NBPF19: variants seen among roughly 807,000 people sequenced by gnomAD.
NBPF19 encodes NBPF member 19.
In NBPF19, 30 loss-of-function variants were observed where a neutral mutation model predicts 45.9. That is an observed-to-expected ratio of 0.65 (90% CI 0.49 to 0.89). The LOEUF is 0.89. Ranked by LOEUF, NBPF19 falls within the 40% of genes least tolerant of loss-of-function variation. The probability of loss-of-function intolerance (pLI) is 0.00; values close to 1 mark genes in which losing one functional copy is unlikely to be tolerated. For missense variants in NBPF19, 495 were observed against 471.8 expected, an observed-to-expected ratio of 1.05 and a Z score of -0.46; for synonymous variants, 183 against 181.2, an observed-to-expected ratio of 1.01 and a Z score of -0.08.
Position 149,478,942 on chromosome 1 carries a change from G to C in NBPF19, c.341G>C (p.Arg114Pro). ...RELTQLREKL[R>P]EGRDASRSLN... ...CTGACCCAGTTAAGGGAGAAGTTAC[G>C]GGAAGGGAGAGATGCCTCCCGCTCA... Residue 114 changes from arginine (R) to proline (P), a missense_variant, in exon 4 of 94, where the codon CGG (arginine) becomes CCG (proline). By Grantham distance (103) the Arg-to-Pro change is moderately radical (BLOSUM62 -2). Coordinates refer to ENST00000651566, the MANE Select transcript of NBPF19 (RefSeq NM_001351365.2). 1 of 1,605,928 alleles carries C rather than the reference G, an allele frequency of 6.2e-7. No homozygotes were observed. The highest frequency in any genetic ancestry group is 1.1e-5 in the South Asian group (1 of 90,836).
At chr1:149,478,321 C>G (rs1291652195) in intron 3 of NBPF19, among the ~76,000 whole-genome samples, 1 of 151,182 alleles carries the variant, frequency 6.6e-6, no homozygotes, top group Non-Finnish European at 1.5e-5. Context: ...GAGTGGGAAC[C>G]ACCCAGCAGC....
At position 149,554,641 on chromosome 1, in the gene NBPF19, A is replaced by G; in HGVS notation, c.11435A>G (p.His3812Arg). Residue 3812 changes from histidine to arginine, a missense_variant, in exon 94 of 94, where the codon CAT becomes CGT. His to Arg is a conservative substitution (Grantham distance 29). Around this residue, in one of 8 missense-constraint regions of NBPF19, gnomAD observed 248 missense variants for 95.4 expected, o/e 2.60. Transcript: ENST00000651566. ...GTGTTTTACTCATTTGAGGAAGAGC[A>G]TATCAGCTTCGCCCTTTACTTGGAC... ...RSVFYSFEEE[H>R]ISFALYLDNR... 2.5e-6 allele frequency: 4 copies of G among 1,608,368 alleles called. No individual in the cohort carries two copies. The highest frequency in any genetic ancestry group is 3.4e-6 in the Non-Finnish European group (4 of 1,176,784).
At chr1:149,478,702 G>A (rs1182494679) in intron 3 of NBPF19, among the ~76,000 whole-genome samples, 178 bp from the exon 4 acceptor site, 2 of 150,742 alleles carry the variant, frequency 1.3e-5, no homozygotes, top group African/African-American at 4.9e-5. Context: ...CTGATAGAGG[G>A]AAAGCCTGTA....
intron 10 of NBPF19, 37 bp downstream of exon 10, chr1:149,488,222 G>A (rs2085732271): frequency 1.7e-6 from 1 of 585,434 alleles, no homozygotes; most frequent in Non-Finnish European, 3.0e-6. Flanking sequence ...AGGATCCACT[G>A]AGTCTTCTGG....
chr1:149,494,067 C>T (rs1174527148), intron 17 of NBPF19, among the ~76,000 whole-genome samples: 9 of 126,268 alleles, frequency 7.1e-5, no homozygotes, highest in Non-Finnish European at 9.6e-5. Flanking sequence ...GTGTGTCACC[C>T]GGCCAACTCG....
At position 149,554,633 on chromosome 1, in the gene NBPF19, G is replaced by A. The variant is rs1167744788; in HGVS notation, c.11427G>A (p.Glu3809=). The A allele has an allele frequency of 6.2e-6, 10 of 1,608,316 alleles. 1 individual carries two copies. In the South Asian group the frequency reaches 7.7e-5, roughly 12 times the overall value. Reference sequence around the variant, plus strand: ...ACAGAAGTGTGTTTTACTCATTTGAGGAAGAGCATATCAGCTTCGCCCTTT... The same window carrying A: ...ACAGAAGTGTGTTTTACTCATTTGAAGAAGAGCATATCAGCTTCGCCCTTT... ...QHYRSVFYSF[E]EEHISFALYL... The change falls in exon 94 of 94, where the codon GAG becomes GAA. Residue 3809 remains glutamate, a synonymous_variant. Transcript: ENST00000651566.
rs1232025765 is a variant in NBPF19, at chr1:149,554,785, A to T, written c.*47A>T. The T allele has an allele frequency of 6.2e-6, 10 of 1,606,386 alleles. No individual in the cohort carries two copies. The highest frequency in any genetic ancestry group is 1.3e-5 in the African/African-American group (1 of 74,590). Reference sequence around the variant, plus strand: ...GATGTCATTCCTGCAGGCAGGACCTATAGGCACGTGAAGATTTGAATGAAA... The same window carrying T: ...GATGTCATTCCTGCAGGCAGGACCTTTAGGCACGTGAAGATTTGAATGAAA... On this transcript the variant is annotated 3_prime_UTR_variant, in exon 94 of 94. Transcript: ENST00000651566.
At position 149,554,713 on chromosome 1, in the gene NBPF19, A is replaced by T; in HGVS notation, c.11507A>T (p.Gln3836Leu). The T allele has an allele frequency of 1.2e-6, 2 of 1,608,296 alleles. No individual in the cohort carries two copies. The highest frequency in any genetic ancestry group is 1.7e-6 in the Non-Finnish European group (2 of 1,176,726). The change falls in exon 94 of 94, where the codon CAG becomes CTG. Residue 3836 changes from glutamine (Q) to leucine (L), a missense_variant. Around this residue, in one of 8 missense-constraint regions of NBPF19, gnomAD observed 248 missense variants for 95.4 expected, o/e 2.60. Transcript: ENST00000651566. The stretch of plus-strand genomic sequence containing the variant: ...GTGACAAGTCTCCATCTGGTGTTCC[A>T]GATGTTAGTCATATTCCCACAATAG... ...LTVTSLHLVF[Q>L]MLVIFPQ
At chr1:149,488,350 G>C (rs1487449498) in intron 10 of NBPF19, among the ~76,000 whole-genome samples, 165 bp downstream of exon 10, 2 of 141,960 alleles carry the variant, frequency 1.4e-5, no homozygotes, top group Non-Finnish European at 3.0e-5. Context: ...TGGCAGCCCA[G>C]ACAAGGGATG....
chr1:149,538,475 G>C lies in NBPF19; in HGVS notation c.8811-201G>C, dbSNP rs1324992729. Among the ~76,000 whole-genome samples the C allele has an allele frequency of 1.9e-3, 65 of 33,424 alleles. 1 individual carries two copies. The highest frequency in any genetic ancestry group is 3.4e-3 in the Admixed American group (9 of 2,676). The allele number at this position is 33,424 out of a possible 152,430, so 21.9% of individuals were successfully genotyped here. On this transcript the variant is annotated intron_variant, in intron 73 of 93. Coordinates refer to ENST00000651566, the MANE Select transcript of NBPF19 (RefSeq NM_001351365.2). Reference sequence around the variant, plus strand: ...TGTGTGTGTGTGTGTGTGTGTGTGTGTGTCTATCTGTCTTTCTCTTTCATT... The same window carrying C: ...TGTGTGTGTGTGTGTGTGTGTGTGTCTGTCTATCTGTCTTTCTCTTTCATT...
chr1:149,554,029 A>G, intron 93 of NBPF19, 147 bp downstream of exon 93: 1 of 312,312 alleles, frequency 3.2e-6, no homozygotes, highest in Non-Finnish European at 5.7e-6. Flanking sequence ...ATTGCAGTAG[A>G]TGTTTAGGTT....
At position 149,497,697 on chromosome 1, in the gene NBPF19, G is replaced by A. The variant is rs2101646453; in HGVS notation, c.2677G>A (p.Glu893Lys). The A allele has an allele frequency of 1.2e-5, 2 of 172,636 alleles. 1 individual carries two copies. The highest frequency in any genetic ancestry group is 1.5e-4 in the South Asian group (2 of 13,128). The allele number at this position is 172,636 out of a possible 1,614,324, so 10.7% of individuals were successfully genotyped here. Reference sequence around the variant, plus strand: ...TGTTGGCTTGGCTATTGACATGGATGGTGAGTACCTTTCTATGAAGGTGAT... The same window carrying A: ...TGTTGGCTTGGCTATTGACATGGATAGTGAGTACCTTTCTATGAAGGTGAT... The part of the protein sequence containing the change: ...QCVGLAIDMD[E>K]IEKYQEVEED... The change falls in exon 22 of 94, where the codon GAA becomes AAA. Residue 893 changes from glutamate (E) to lysine (K), a missense_variant and splice_region_variant. This residue lies in a region of NBPF19 where 11 missense variants were observed against 40.4 expected (regional missense o/e 0.27). Transcript: ENST00000651566.
intron 8 of NBPF19, among the ~76,000 whole-genome samples, 163 bp from the exon 9 acceptor site, chr1:149,487,169 G>C (rs2085577601): frequency 6.6e-6 from 1 of 151,134 alleles, no homozygotes; most frequent in African/African-American, 2.4e-5. Flanking sequence ...ACCCAAGCCA[G>C]TTTTCTCAAG....
In NBPF19 at chr1:149,488,416, C is replaced by T. The variant is rs1464300731; in HGVS notation, c.1213+231C>T. 2.5e-3 allele frequency among the ~76,000 whole-genome samples: 351 copies of T among 141,564 alleles called. 40 individuals are homozygous for T. The highest frequency in any genetic ancestry group is 9.2e-3 in the African/African-American group (344 of 37,594). 92.9% of individuals were successfully genotyped at this position (141,564 alleles called of 152,430 possible). The stretch of plus-strand genomic sequence containing the variant: ...CAGGCCATACCTGTGGCGCCCTAAT[C>T]CTACTCTCATGACGTTGGACCTGGG... On this transcript the variant is annotated intron_variant, in intron 10 of 93. Transcript: ENST00000651566.
Position 149,554,644 on chromosome 1 carries a change from T to G in NBPF19, c.11438T>G (p.Ile3813Ser). The G allele has an allele frequency of 1.2e-6, 2 of 1,608,354 alleles. No individual in the cohort carries two copies. Among genetic ancestry groups the G allele is most frequent in the Non-Finnish European group, 1.7e-6 (2 of 1,176,788 alleles). ...TTTTACTCATTTGAGGAAGAGCATA[T>G]CAGCTTCGCCCTTTACTTGGACAAT... ...SVFYSFEEEH[I>S]SFALYLDNRF... Residue 3813 changes from isoleucine (I) to serine (S), a missense_variant, in exon 94 of 94, where the codon ATC becomes AGC. By Grantham distance (142) the Ile-to-Ser change is moderately radical. Coordinates refer to ENST00000651566, the MANE Select transcript of NBPF19 (RefSeq NM_001351365.2).
intron 9 of NBPF19, among the ~76,000 whole-genome samples, 170 bp downstream of exon 9, chr1:149,487,553 T>C (rs2085628047): frequency 6.6e-6 from 1 of 151,146 alleles, no homozygotes; most frequent in Non-Finnish European, 1.5e-5. Context: ...TAGGTTTCCA[T>C]TTCTTCCTAC....
intron 7 of NBPF19, 35 bp from the exon 8 acceptor site, chr1:149,486,095 A>G: frequency 3.0e-6 from 1 of 333,708 alleles, no homozygotes; most frequent in Non-Finnish European, 5.1e-6. Flanking sequence ...TGTTGGTTAA[A>G]TCTTCTATCA....
chr1:149,487,458 T>C lies in NBPF19; in HGVS notation c.1040+75T>C, dbSNP rs1553710524. ...TGCCAAGTCCAGGGAAAACAGTACATGCTGAAAATAATGATTTTGTCTTGT... is the reference window on the plus strand; with the variant it reads ...TGCCAAGTCCAGGGAAAACAGTACACGCTGAAAATAATGATTTTGTCTTGT... On this transcript the variant is annotated intron_variant, in intron 9 of 93. Coordinates refer to ENST00000651566, the MANE Select transcript of NBPF19 (RefSeq NM_001351365.2). The C allele has an allele frequency of 5.3e-5, 50 of 948,960 alleles. 3 individuals carry two copies. The highest frequency in any genetic ancestry group is 2.6e-4 in the South Asian group (20 of 78,056). 58.8% of individuals were successfully genotyped at this position (948,960 alleles called of 1,614,324 possible).
rs2084765702 is a variant in NBPF19, at chr1:149,475,328, T to G, written c.-503T>G. 6.7e-6 allele frequency among the ~76,000 whole-genome samples: 1 copy of G among 149,558 alleles called. No individual in the cohort carries two copies. The highest frequency in any genetic ancestry group is 1.5e-5 in the Non-Finnish European group (1 of 66,954). ...AAGCTCTGTTTTAACTGAGAGCAGG[T>G]GGGGTGACTTCATGACTACCATTAA... On this transcript the variant is annotated 5_prime_UTR_variant, in exon 1 of 94. Transcript: ENST00000651566.
Sources: allele counts gnomAD v4.1 joint callset (sites outside exome capture counted in the v4.1 genomes callset), GRCh38; gene constraint gnomAD v4.1.1; regional missense constraint gnomAD v4.1.1; transcripts MANE v1.5; gene names NCBI Gene and HGNC (gene_info 2026-07-23, HGNC 2026-07-21).